The following RNF175 variants were observed in gnomAD, a reference collection of about 807,000 sequenced individuals.
RNF175 encodes ring finger protein 175.
A neutral mutation model predicts 50.0 loss-of-function variants in RNF175; 38 were observed. The observed-to-expected ratio is 0.76, with a 90% confidence interval of 0.59 to 1.00. The LOEUF is 1.00. RNF175 is among the 50% of genes least tolerant of loss of function. The probability of loss-of-function intolerance (pLI) is 0.00; values close to 1 mark genes in which losing one functional copy is unlikely to be tolerated. For missense variants in RNF175, 388 were observed against 409.6 expected (o/e 0.95, Z 0.46); for synonymous variants, 155 against 146.1 (o/e 1.06, Z -0.44).
chr4:153,759,780 CG>C lies in RNF175; in HGVS notation c.66+16del. 6.8e-7 allele frequency: 1 copy of C among 1,465,494 alleles called. No individual in the cohort carries two copies. Among genetic ancestry groups the C allele is most frequent in the Non-Finnish European group, 9.0e-7 (1 of 1,111,808 alleles). The allele number at this position is 1,465,494 out of a possible 1,614,324, so 90.8% of individuals were successfully genotyped here. A position where few individuals can be genotyped will look rare whatever the true frequency, so the allele number is the denominator to read the frequency against. ...CCCGGCCTGGCGTCCCCCACGCCCG[CG>C]CCCCCGCGCCAGTACCTGCTCCTGC... On this transcript the variant is annotated intron_variant, in intron 1 of 8. Transcript: ENST00000347063.
chr4:153,743,673 G>T lies in RNF175; in HGVS notation c.246+4972C>A, dbSNP rs1348886029. Among the ~76,000 whole-genome samples the T allele has an allele frequency of 2.0e-5, 3 of 152,106 alleles. No homozygotes were observed. In the East Asian group the frequency reaches 5.8e-4, roughly 29 times the overall value. On this transcript the variant is annotated intron_variant, in intron 3 of 8. Coordinates refer to ENST00000347063, the MANE Select transcript of RNF175 (RefSeq NM_173662.4). Reference sequence around the variant, plus strand: ...CCAAGGTGATCCTTAGGACTACAGAGCCCCACTGGGTAGCCATAAAACATA... The same window carrying T: ...CCAAGGTGATCCTTAGGACTACAGATCCCCACTGGGTAGCCATAAAACATA...
At chr4:153,718,472 G>A (rs1448314389) in intron 6 of RNF175, among the ~76,000 whole-genome samples, 1 of 151,828 alleles carries the variant, frequency 6.6e-6, no homozygotes, top group Non-Finnish European at 1.5e-5. Flanking sequence ...TTGGTCGCTG[G>A]AATAAACAGA....
chr4:153,751,111 T>C, intron 2 of RNF175, among the ~76,000 whole-genome samples: 1 of 152,264 alleles, frequency 6.6e-6, no homozygotes, highest in East Asian at 1.9e-4. Flanking sequence ...CCAATGGCCC[T>C]ACAGTATGCA....
intron 3 of RNF175, among the ~76,000 whole-genome samples, chr4:153,735,228 T>C (rs1480443620): frequency 1.0e-5 from 1 of 99,792 alleles, no homozygotes; most frequent in African/African-American, 2.8e-5. Context: ...TCTGTGTCTA[T>C]TTTTTTTTTT....
intron 3 of RNF175, among the ~76,000 whole-genome samples, chr4:153,740,326 G>T (rs1018282618): frequency 3.3e-5 from 5 of 151,808 alleles, no homozygotes; most frequent in Admixed American, 2.0e-4. Flanking sequence ...ATTTTTAATT[G>T]AAAAATAATA....
chr4:153,720,079 T>C (rs1738234965), intron 6 of RNF175, 105 bp downstream of exon 6: 2 of 1,210,400 alleles, frequency 1.7e-6, no homozygotes, highest in South Asian at 2.9e-5. Context: ...ATAATCAGTA[T>C]ATGGAGAAAG....
intron 6 of RNF175, among the ~76,000 whole-genome samples, chr4:153,716,497 C>T (rs1177880020): frequency 2.6e-5 from 4 of 152,050 alleles, no homozygotes; most frequent in African/African-American, 4.8e-5. Flanking sequence ...TGCATCTTCC[C>T]GTACTGTGGA....
intron 6 of RNF175, among the ~76,000 whole-genome samples, chr4:153,716,026 T>C (rs922585732): frequency 2.3e-5 from 3 of 131,926 alleles, no homozygotes; most frequent in Non-Finnish European, 3.1e-5. Context: ...ATTGCGCCAC[T>C]GCACTCTAGC....
chr4:153,734,100 G>C lies in RNF175; in HGVS notation c.247-5739C>G, dbSNP rs573358483. 2.0e-5 allele frequency among the ~76,000 whole-genome samples: 3 copies of C among 152,206 alleles called. No homozygotes were observed. The South Asian group carries it at 6.2e-4, about 31-fold the overall frequency. ...GAATGTACCACAGTTTATTTATCCAGCTTTTAAAGGATATCTTGGTTGCTA... is the reference window on the plus strand; with the variant it reads ...GAATGTACCACAGTTTATTTATCCACCTTTTAAAGGATATCTTGGTTGCTA... On this transcript the variant is annotated intron_variant, in intron 3 of 8. Transcript: ENST00000347063.
At chr4:153,726,087 G>GTA (rs1304037947) in intron 4 of RNF175, among the ~76,000 whole-genome samples, 1 of 151,988 alleles carries the variant, frequency 6.6e-6, no homozygotes, top group Non-Finnish European at 1.5e-5. Flanking sequence ...GTGTGTGTGT[G>GTA]TGTGTGTGTG....
intron 6 of RNF175, 82 bp downstream of exon 6, chr4:153,720,102 C>G: frequency 6.9e-7 from 1 of 1,456,942 alleles, no homozygotes; most frequent in South Asian, 1.2e-5. Context: ...TTATTTGTTT[C>G]TGAAAATGGA....
At position 153,710,234 on chromosome 4, in the gene RNF175, G is replaced by T; in HGVS notation, c.*135C>A. 1 of 634,064 alleles carries T rather than the reference G, an allele frequency of 1.6e-6. No individual in the cohort carries two copies. Among genetic ancestry groups the T allele is most frequent in the East Asian group, 2.9e-5 (1 of 34,504 alleles). The allele number at this position is 634,064 out of a possible 1,614,324, so 39.3% of individuals were successfully genotyped here. ...GCTTCTCTTTAAATTCTTTCCACAT[G>T]GACAAATTGCTTGACAACAAAGTTT... On this transcript the variant is annotated 3_prime_UTR_variant, in exon 9 of 9. Transcript: ENST00000347063.
At chr4:153,746,871 G>A (rs1416092960) in intron 3 of RNF175, among the ~76,000 whole-genome samples, 1 of 152,252 alleles carries the variant, frequency 6.6e-6, no homozygotes, top group Non-Finnish European at 1.5e-5. Context: ...TGGCCTCACA[G>A]CATGTGCCTA....
At chr4:153,711,824 G>A (rs1737604314) in intron 8 of RNF175, among the ~76,000 whole-genome samples, 2 of 152,146 alleles carry the variant, frequency 1.3e-5, no homozygotes, top group South Asian at 4.1e-4. Flanking sequence ...AATGTGACTT[G>A]AATTTATTCT....
intron 1 of RNF175, among the ~76,000 whole-genome samples, chr4:153,753,963 GA>G: frequency 6.6e-6 from 1 of 150,704 alleles, no homozygotes; most frequent in Non-Finnish European, 1.5e-5. Context: ...GAGGTCAGGA[GA>G]TAGAGACCAT....
chr4:153,732,829 T>A (rs1739115364), intron 3 of RNF175, among the ~76,000 whole-genome samples: 1 of 152,212 alleles, frequency 6.6e-6, no homozygotes, highest in South Asian at 2.1e-4. Context: ...TTTGCCTACA[T>A]CTATAACATA....
intron 3 of RNF175, among the ~76,000 whole-genome samples, chr4:153,739,402 G>A (rs1052096917): frequency 1.3e-5 from 2 of 152,132 alleles, no homozygotes; most frequent in Non-Finnish European, 2.9e-5. Context: ...GCGACAGAGC[G>A]AGACTCTGTC....
At chr4:153,727,953 CTTCT>C (rs1284469684) in intron 4 of RNF175, among the ~76,000 whole-genome samples, 1 of 152,186 alleles carries the variant, frequency 6.6e-6, no homozygotes, top group Non-Finnish European at 1.5e-5. Context: ...AATAGTTTCA[CTTCT>C]TTCTTCTGCA....
intron 6 of RNF175, among the ~76,000 whole-genome samples, chr4:153,718,230 G>GTTTTTTTTTT (rs1272804247): frequency 4.1e-4 from 13 of 31,862 alleles, no homozygotes; most frequent in South Asian, 4.0e-3. Context: ...TTGTTTGTTT[G>GTTTTTTTTTT]TTTGTTTGTT....
Sources: gnomAD v4.1 joint callset for allele counts (sites outside exome capture counted in the v4.1 genomes callset) on GRCh38, gnomAD v4.1.1 for gene constraint, MANE v1.5 for transcripts, NCBI Gene and HGNC (gene_info 2026-07-23, HGNC 2026-07-21) for gene names.